PCDH15: variants seen among roughly 807,000 people sequenced by gnomAD.
PCDH15 encodes protocadherin related 15, also known as protocadherin-15.
In PCDH15, 129 loss-of-function variants were observed where a neutral mutation model predicts 178.5. The observed-to-expected ratio is 0.72, with a 90% confidence interval of 0.63 to 0.84. The LOEUF (loss-of-function observed/expected upper bound fraction) is 0.84. PCDH15 is among the 40% of genes least tolerant of loss of function. The probability of loss-of-function intolerance (pLI) is 0.00; values close to 1 mark genes in which losing one functional copy is unlikely to be tolerated. For synonymous variants in PCDH15, 800 were observed against 732.0 expected (o/e 1.09, Z -1.50); for missense variants, 2,230 against 2,099.9 (o/e 1.06, Z -1.21).
intron 1 of PCDH15, among the ~76,000 whole-genome samples, chr10:55,240,450 T>A (rs1196359337): frequency 1.3e-5 from 2 of 152,208 alleles, no homozygotes; most frequent in Non-Finnish European, 2.9e-5. Flanking sequence ...TAAACTGCTG[T>A]TATTATTTTC....
chr10:55,434,379 A>C (rs1050497793), intron 2 of PCDH15, among the ~76,000 whole-genome samples: 1 of 151,876 alleles, frequency 6.6e-6, no homozygotes, highest in African/African-American at 2.4e-5. Flanking sequence ...TTCAAACGCT[A>C]TTGCTTTTGT....
At chr10:55,314,275 C>T (rs141927785) in intron 1 of PCDH15, among the ~76,000 whole-genome samples, 8 of 150,326 alleles carry the variant, frequency 5.3e-5, no homozygotes, top group Middle Eastern at 3.5e-3. Context: ...TCTTTCTGGA[C>T]TGTTATATAT....
intron 1 of PCDH15, among the ~76,000 whole-genome samples, chr10:55,204,318 A>G (rs1840334181): frequency 1.3e-5 from 2 of 150,924 alleles, no homozygotes; most frequent in Admixed American, 1.3e-4. Flanking sequence ...ATATACATAT[A>G]CAAATATACA....
chr10:54,200,563 T>A (rs933280696), intron 10 of PCDH15, among the ~76,000 whole-genome samples: 4 of 152,142 alleles, frequency 2.6e-5, no homozygotes, highest in Admixed American at 2.6e-4. Context: ...TTAAACCCAC[T>A]TCAATCATAC....
At chr10:54,154,232 GC>G (rs1260321974) in intron 13 of PCDH15, among the ~76,000 whole-genome samples, 10 of 151,990 alleles carry the variant, frequency 6.6e-5, no homozygotes, top group African/African-American at 2.4e-4. Context: ...CTTATAGTAA[GC>G]ATTTTACATA....
intron 2 of PCDH15, among the ~76,000 whole-genome samples, chr10:55,415,719 T>C (rs989927380): frequency 6.6e-6 from 1 of 151,676 alleles, no homozygotes; most frequent in South Asian, 2.1e-4. Flanking sequence ...TGTTTTCATA[T>C]GTACTCTCAA....
At chr10:55,519,285 TA>T (rs34476517) in intron 2 of PCDH15, among the ~76,000 whole-genome samples, 257 of 134,136 alleles carry the variant, frequency 1.9e-3, no homozygotes, top group Non-Finnish European at 3.1e-3. Context: ...ATGCTGAGTG[TA>T]AAAAAAAAAA....
chr10:54,988,892 G>A (rs906901998), intron 2 of PCDH15, among the ~76,000 whole-genome samples: 8 of 152,134 alleles, frequency 5.3e-5, no homozygotes, highest in African/African-American at 1.7e-4. Flanking sequence ...TGTTTCCAGG[G>A]CATGTCAGAA....
intron 26 of PCDH15, among the ~76,000 whole-genome samples, chr10:53,868,793 A>G (rs887239596): frequency 1.3e-5 from 2 of 152,158 alleles, no homozygotes; most frequent in Non-Finnish European, 2.9e-5. Context: ...ATTTCACTTC[A>G]GGATCAGCTG....
At chr10:54,838,604 G>A (rs72798508) in intron 3 of PCDH15, among the ~76,000 whole-genome samples, 14,919 of 152,176 alleles carry the variant, frequency 0.098, 964 homozygotes, top group Non-Finnish European at 0.14. Context: ...GCTTATTTGT[G>A]TCACTAGAGG....
chr10:54,316,379 GA>G (rs2061268394), intron 8 of PCDH15, among the ~76,000 whole-genome samples: 1 of 151,928 alleles, frequency 6.6e-6, no homozygotes, highest in Non-Finnish European at 1.5e-5. Flanking sequence ...GTATTTTGAG[GA>G]AAAAAAGTCA....
intron 2 of PCDH15, among the ~76,000 whole-genome samples, chr10:54,555,325 T>C (rs1397287502): frequency 1.3e-5 from 2 of 152,154 alleles, no homozygotes; most frequent in East Asian, 1.9e-4. Context: ...TTTAACATCG[T>C]TTGCTCATTT....
At chr10:54,430,274 TG>T (rs1359038543) in intron 3 of PCDH15, among the ~76,000 whole-genome samples, 1 of 152,008 alleles carries the variant, frequency 6.6e-6, no homozygotes, top group Non-Finnish European at 1.5e-5. Flanking sequence ...CAGGTGGTCT[TG>T]AACTCCTGAC....
chr10:54,860,935 C>T (rs1235591109), intron 3 of PCDH15, among the ~76,000 whole-genome samples: 2 of 152,116 alleles, frequency 1.3e-5, no homozygotes, highest in African/African-American at 4.8e-5. Flanking sequence ...ATTTATTAAG[C>T]ACAATAGGGA....
chr10:55,120,137 G>T (rs1837728901), intron 2 of PCDH15, among the ~76,000 whole-genome samples: 1 of 152,196 alleles, frequency 6.6e-6, no homozygotes, highest in South Asian at 2.1e-4. Context: ...AGGGACAAGA[G>T]ATTCCACTCC....
intron 1 of PCDH15, among the ~76,000 whole-genome samples, chr10:55,176,781 T>C (rs972427242): frequency 6.6e-6 from 1 of 152,098 alleles, no homozygotes. Context: ...TAAAGGATGC[T>C]TTTTTCCTGC....
chr10:54,748,453 T>C (rs76495759), intron 1 of PCDH15, among the ~76,000 whole-genome samples: 2 of 152,126 alleles, frequency 1.3e-5, no homozygotes, highest in Non-Finnish European at 2.9e-5. Context: ...TAAAGAGTAT[T>C]TAACAAGAAT....
chr10:54,839,716 C>G (rs150472086), intron 3 of PCDH15, among the ~76,000 whole-genome samples: 315 of 152,150 alleles, frequency 2.1e-3, no homozygotes, highest in East Asian at 7.4e-3. Flanking sequence ...ACATTACAAT[C>G]AAATTGCCAA....
intron 21 of PCDH15, among the ~76,000 whole-genome samples, chr10:53,975,421 TC>T (rs1056669785): frequency 6.5e-4 from 99 of 152,234 alleles, no homozygotes; most frequent in African/African-American, 2.3e-3. Flanking sequence ...GTGTTTTTTT[TC>T]CCCCCATAAC....
Sources: gnomAD v4.1 joint callset for allele counts (sites outside exome capture counted in the v4.1 genomes callset) on GRCh38, gnomAD v4.1.1 for gene constraint, MANE v1.5 for transcripts, NCBI Gene and HGNC (gene_info 2026-07-23, HGNC 2026-07-21) for gene names.